PCDHA6: variants seen among roughly 807,000 people sequenced by gnomAD.
PCDHA6 encodes the protein protocadherin alpha 6.
PCDHA6 carries 55 observed loss-of-function variants against 60.3 expected under a neutral mutation model. The observed-to-expected ratio is 0.91, with a 90% confidence interval of 0.73 to 1.14. PCDHA6 has a LOEUF of 1.14. Ranked by LOEUF, PCDHA6 falls within the 50% of genes most tolerant of loss-of-function variation. PCDHA6 has a pLI of 0.00. For synonymous variants in PCDHA6, 652 were observed against 557.9 expected (o/e 1.17, Z -2.38); for missense variants, 1,327 against 1,256.5 (o/e 1.06, Z -0.85).
intron 1 of PCDHA6, among the ~76,000 whole-genome samples, chr5:140,879,372 G>T (rs1434937494): frequency 1.3e-5 from 2 of 152,172 alleles, no homozygotes; most frequent in African/African-American, 4.8e-5. Context: ...CCAACCTGCA[G>T]AACAAGGTTG....
intron 3 of PCDHA6, among the ~76,000 whole-genome samples, chr5:141,002,939 A>G (rs2098103546): frequency 6.6e-6 from 1 of 152,238 alleles, no homozygotes; most frequent in Admixed American, 6.5e-5. Context: ...AACACCCTCC[A>G]GCACATGCCC....
At chr5:140,969,702 C>A (rs1305755991) in intron 1 of PCDHA6, among the ~76,000 whole-genome samples, 1 of 152,144 alleles carries the variant, frequency 6.6e-6, no homozygotes, top group African/African-American at 2.4e-5. Context: ...TCTGCTGTAT[C>A]ATCTACAGGG....
intron 1 of PCDHA6, chr5:140,870,896 C>A (rs946837071): frequency 4.3e-6 from 7 of 1,613,822 alleles, no homozygotes; most frequent in Non-Finnish European, 5.9e-6. Context: ...GCAGTGGATG[C>A]GGACTCAGGC....
intron 1 of PCDHA6, chr5:140,836,813 T>A (rs984631065): frequency 8.2e-7 from 1 of 1,217,894 alleles, no homozygotes; most frequent in African/African-American, 1.5e-5. Flanking sequence ...TTTTCTTTCA[T>A]AATTTCTTTT....
rs782636217 is a variant in PCDHA6 at position 140,928,409 on chromosome 5, C to T, written c.2395-50540C>T. The T allele has an allele frequency of 1.9e-6, 3 of 1,614,030 alleles. No individual in the cohort carries two copies. The Admixed American group carries it at 5.0e-5, about 27-fold the overall frequency. On this transcript the variant is annotated intron_variant, in intron 1 of 3. Coordinates refer to ENST00000529310, the MANE Select transcript of PCDHA6 (RefSeq NM_018909.4). ...CTGGCAGTGGAATCATCCAGTGGGG[C>T]CATCACTGCCAAAACTTCCTTTGAC...
In PCDHA6 at chr5:140,955,830, T is replaced by G. The variant is rs564870909; in HGVS notation, c.2395-23119T>G. Among the ~76,000 whole-genome samples, 9 of 152,318 alleles carry G rather than the reference T, an allele frequency of 5.9e-5. No individual in the cohort carries two copies. The South Asian group carries it at 1.9e-3, about 32-fold the overall frequency. Reference sequence around the variant, plus strand: ...TGTCCACTGTGATTTCCTTGAGCAGTGGTTTGTCATTCTCCTTGAAGAGGT... The same window carrying G: ...TGTCCACTGTGATTTCCTTGAGCAGGGGTTTGTCATTCTCCTTGAAGAGGT... On this transcript the variant is annotated intron_variant, in intron 1 of 3. Coordinates refer to ENST00000529310, the MANE Select transcript of PCDHA6 (RefSeq NM_018909.4).
chr5:140,942,660 A>G (rs145204660), intron 1 of PCDHA6, among the ~76,000 whole-genome samples: 2 of 152,306 alleles, frequency 1.3e-5, no homozygotes, highest in East Asian at 1.9e-4. Context: ...CAGAAAAGCA[A>G]TAAGCACAAA....
chr5:140,944,191 G>C (rs181232402), intron 1 of PCDHA6, among the ~76,000 whole-genome samples: 1 of 151,980 alleles, frequency 6.6e-6, no homozygotes, highest in East Asian at 1.9e-4. Context: ...GGTTTGTTTT[G>C]TTTTGTTTTG....
At chr5:140,991,919 A>T (rs185947527) in intron 3 of PCDHA6, among the ~76,000 whole-genome samples, 96 of 152,274 alleles carry the variant, frequency 6.3e-4, no homozygotes, top group Admixed American at 1.2e-3. Flanking sequence ...GCCATGTAAC[A>T]TAACATATTC....
At position 140,829,529 on chromosome 5, in the gene PCDHA6, C is replaced by A. The variant is rs2150169515; in HGVS notation, c.1438C>A (p.Arg480=). The A allele has an allele frequency of 6.2e-7, 1 of 1,613,272 alleles. No homozygotes were observed. Among genetic ancestry groups the A allele is most frequent in the Non-Finnish European group, 8.5e-7 (1 of 1,179,890 alleles). Residue 480 remains arginine, a synonymous_variant, in exon 1 of 4, where the codon CGA becomes AGA. Coordinates refer to ENST00000529310, the MANE Select transcript of PCDHA6 (RefSeq NM_018909.4). The part of the protein sequence containing the change: ...PGCHIFTVSA[R]DADAQENALV... Reference sequence around the variant, plus strand: ...CTGCCACATCTTCACGGTGTCTGCGCGAGACGCGGACGCGCAGGAGAACGC... The same window carrying A: ...CTGCCACATCTTCACGGTGTCTGCGAGAGACGCGGACGCGCAGGAGAACGC...
chr5:140,877,224 G>T, intron 1 of PCDHA6: 1 of 1,613,712 alleles, frequency 6.2e-7, no homozygotes, highest in Non-Finnish European at 8.5e-7. Flanking sequence ...TACCGCGGTC[G>T]GTGGGTGCGG....
chr5:140,835,384 G>A, intron 1 of PCDHA6: 1 of 1,613,998 alleles, frequency 6.2e-7, no homozygotes, highest in Non-Finnish European at 8.5e-7. Flanking sequence ...GCTGGTCATT[G>A]TACAGTTCTT....
At chr5:140,941,202 C>CTTTCTTT (rs1554213921) in intron 1 of PCDHA6, among the ~76,000 whole-genome samples, 7,232 of 122,704 alleles carry the variant, frequency 0.059, 419 homozygotes, top group East Asian at 0.13. Flanking sequence ...TTTCTTTCTT[C>CTTTCTTT]CTTTCTTTCT....
chr5:140,906,377 A>G (rs1322510294), intron 1 of PCDHA6, among the ~76,000 whole-genome samples: 3 of 152,264 alleles, frequency 2.0e-5, no homozygotes, highest in Admixed American at 6.5e-5. Flanking sequence ...ATGCTATTAC[A>G]TAAAGTTAAC....
rs2150379326 is a variant in PCDHA6, at chr5:140,845,496, G to C, written c.2394+15011G>C. ...GGGGTTGTGCTTTCACAGTGAGAAA[G>C]TCTAAACCTATTTCTTGTACATTAA... On this transcript the variant is annotated intron_variant, in intron 1 of 3. Transcript: ENST00000529310. Among the ~76,000 whole-genome samples, 24 of 149,650 alleles carry C rather than the reference G, an allele frequency of 1.6e-4. 3 individuals are homozygous for C. Among genetic ancestry groups the C allele is most frequent in the Non-Finnish European group, 3.4e-4 (23 of 66,862 alleles).
chr5:140,836,947 T>C (rs1208330936), intron 1 of PCDHA6: 5 of 442,006 alleles, frequency 1.1e-5, no homozygotes, highest in Non-Finnish European at 1.9e-5. Flanking sequence ...GATCAAAATC[T>C]ATGGTTTATG....
chr5:140,982,218 G>T, intron 2 of PCDHA6: 1 of 523,694 alleles, frequency 1.9e-6, no homozygotes, highest in South Asian at 3.9e-5. Flanking sequence ...GCCACATGGC[G>T]TTAATAAAAA....
chr5:140,856,130 G>A lies in PCDHA6; in HGVS notation c.2394+25645G>A. The stretch of plus-strand genomic sequence containing the variant: ...CCTCGCAGCCTGGGAGGTGGGGAGC[G>A]GCCAGCTCCACTACTCAGTCTACGA... On this transcript the variant is annotated intron_variant, in intron 1 of 3. Transcript: ENST00000529310. 7 of 1,598,068 alleles carry A rather than the reference G, an allele frequency of 4.4e-6. 1 individual carries two copies. The highest frequency in any genetic ancestry group is 6.0e-6 in the Non-Finnish European group (7 of 1,167,790).
intron 1 of PCDHA6, among the ~76,000 whole-genome samples, chr5:140,974,396 G>A (rs1413050341): frequency 6.6e-6 from 1 of 152,178 alleles, no homozygotes; most frequent in Non-Finnish European, 1.5e-5. Context: ...CATTAGGTAT[G>A]TTCTAAAGTT....
Sources: allele counts gnomAD v4.1 joint callset (sites outside exome capture counted in the v4.1 genomes callset), GRCh38; gene constraint gnomAD v4.1.1; transcripts MANE v1.5; gene names NCBI Gene and HGNC (gene_info 2026-07-23, HGNC 2026-07-21).